The following MFAP3L variants were observed in gnomAD, a reference collection of about 807,000 sequenced individuals.
MFAP3L encodes microfibril associated protein 3 like.
A neutral mutation model predicts 20.0 loss-of-function variants in MFAP3L; 5 were observed. The ratio of observed to expected loss-of-function variants is 0.25; its 90% CI spans 0.13 to 0.53. The LOEUF (loss-of-function observed/expected upper bound fraction) is 0.53, where lower values mean the gene tolerates loss of function less well. Among genes scored for constraint, MFAP3L ranks in the 20% least tolerant of loss-of-function variants. The pLI is 0.96. For missense variants in MFAP3L, 409 were observed against 527.5 expected (o/e 0.78, Z 2.20); for synonymous variants, 219 against 213.0 (o/e 1.03, Z -0.25).
At chr4:170,012,903 A>G (rs1739472399) in intron 1 of MFAP3L, among the ~76,000 whole-genome samples, 1 of 152,158 alleles carries the variant, frequency 6.6e-6, no homozygotes, top group Admixed American at 6.5e-5. Context: ...GGGGTACCAC[A>G]TTATTACTCC....
rs1737417787 is a variant in MFAP3L at position 169,988,336 on chromosome 4, A to C, written c.*3042T>G. On this transcript the variant is annotated 3_prime_UTR_variant, in exon 3 of 3. Transcript: ENST00000361618. ...TAGAATAAATACCATCCAAGTTTACAGATCATCTAAGTGAATTAAATGTAC... is the reference window on the plus strand; with the variant it reads ...TAGAATAAATACCATCCAAGTTTACCGATCATCTAAGTGAATTAAATGTAC... 6.6e-6 allele frequency: 1 copy of C among 152,244 alleles called. No individual in the cohort carries two copies. Among genetic ancestry groups the C allele is most frequent in the Admixed American group, 6.5e-5 (1 of 15,286 alleles). The allele number at this position is 152,244 out of a possible 1,614,324, so 9.4% of individuals were successfully genotyped here.
chr4:170,012,053 G>A (rs1050417576), intron 1 of MFAP3L, among the ~76,000 whole-genome samples: 1 of 152,192 alleles, frequency 6.6e-6, no homozygotes, highest in Non-Finnish European at 1.5e-5. Flanking sequence ...AGTATGCAAC[G>A]CCAAGGATGG....
rs1237977798 is a variant in MFAP3L, at chr4:169,992,369, T to C, written c.299-60A>G. The C allele has an allele frequency of 7.2e-7, 1 of 1,384,380 alleles. No individual in the cohort carries two copies. Among genetic ancestry groups the C allele is most frequent in the Admixed American group, 2.1e-5 (1 of 48,548 alleles). 85.8% of individuals were successfully genotyped at this position (1,384,380 alleles called of 1,614,324 possible). ...ACACAGAGCTCCCATGACTACAAAC[T>C]GATACGTTTCTAAGAACATCTATGA... On this transcript the variant is annotated intron_variant, in intron 2 of 2. Coordinates refer to ENST00000361618, the MANE Select transcript of MFAP3L (RefSeq NM_021647.8). This position sits in a 1 kb window ranked among gnomAD's most constrained non-coding sequence, Gnocchi z 4.3.
chr4:170,003,973 T>C (rs910502256), intron 2 of MFAP3L, among the ~76,000 whole-genome samples: 1 of 152,164 alleles, frequency 6.6e-6, no homozygotes, highest in Non-Finnish European at 1.5e-5. Context: ...CTTTTTAAAA[T>C]TGAGACAGAG....
intron 2 of MFAP3L, among the ~76,000 whole-genome samples, chr4:170,004,405 G>T (rs934691057): frequency 7.2e-5 from 11 of 152,164 alleles, no homozygotes; most frequent in East Asian, 5.8e-4. Context: ...TTCATAATAT[G>T]TAATATTTTG....
chr4:170,002,754 C>CA (rs1319351751), intron 2 of MFAP3L, among the ~76,000 whole-genome samples: 1 of 151,894 alleles, frequency 6.6e-6, no homozygotes, highest in Admixed American at 6.6e-5. Flanking sequence ...ATGATCCACC[C>CA]ACCTCGGCCT....
At chr4:170,001,540 T>C (rs1166580817) in intron 2 of MFAP3L, among the ~76,000 whole-genome samples, 4 of 152,250 alleles carry the variant, frequency 2.6e-5, no homozygotes, top group African/African-American at 4.8e-5. Flanking sequence ...CTTGAAATCC[T>C]CGTTACTTAT....
intron 1 of MFAP3L, among the ~76,000 whole-genome samples, chr4:170,007,816 G>A (rs1005891527): frequency 4.6e-5 from 7 of 152,106 alleles, no homozygotes; most frequent in Admixed American, 1.3e-4. Context: ...CCTGGTGCCC[G>A]AGCCATAGCA....
Position 169,992,281 on chromosome 4 carries a change from G to A in MFAP3L, c.327C>T (p.Leu109=), listed in dbSNP as rs1737775492. Residue 109 remains leucine, a synonymous_variant, in exon 3 of 3, where the codon CTC becomes CTT. Coordinates refer to ENST00000361618, the MANE Select transcript of MFAP3L (RefSeq NM_021647.8). This position sits in a 1 kb window ranked among gnomAD's most constrained non-coding sequence, Gnocchi z 4.3. The part of the protein sequence containing the change: ...GGKWQMHDSG[L]LNITKVSFSD... ...AGAAGGATACCTTGGTGATGTTCAG[G>A]AGGCCGCTGTCGTGCATTTGCCATT... 6.2e-7 allele frequency: 1 copy of A among 1,611,980 alleles called. No homozygotes were observed. The highest frequency in any genetic ancestry group is 8.5e-7 in the Non-Finnish European group (1 of 1,178,710).
chr4:169,987,579 G>T lies in MFAP3L; in HGVS notation c.*3799C>A, dbSNP rs1358759293. ...CTGTATTTCCTAGGGCAGAATAAAA[G>T]GTATCTGGTTTGCCTTTCTAAACCA... On this transcript the variant is annotated 3_prime_UTR_variant, in exon 3 of 3. Coordinates refer to ENST00000361618, the MANE Select transcript of MFAP3L (RefSeq NM_021647.8). 2.0e-5 allele frequency: 3 copies of T among 152,140 alleles called. No homozygotes were observed. Among genetic ancestry groups the T allele is most frequent in the African/African-American group, 7.2e-5 (3 of 41,436 alleles). 9.4% of individuals were successfully genotyped at this position (152,140 alleles called of 1,614,324 possible).
At chr4:170,010,789 C>T (rs1220399698) in intron 1 of MFAP3L, among the ~76,000 whole-genome samples, 1 of 144,582 alleles carries the variant, frequency 6.9e-6, no homozygotes, top group Non-Finnish European at 1.5e-5. Context: ...AAATTATACA[C>T]AGATTTCCCA....
In MFAP3L at chr4:169,989,858, A is replaced by G. The variant is rs1363592583; in HGVS notation, c.*1520T>C. On this transcript the variant is annotated 3_prime_UTR_variant, in exon 3 of 3. Coordinates refer to ENST00000361618, the MANE Select transcript of MFAP3L (RefSeq NM_021647.8). ...AAATCTTAATTGCAGATGTGGTCCT[A>G]ATGGTTTTTTTGGAAGGAGAAGATC... 1.3e-5 allele frequency: 2 copies of G among 152,234 alleles called. No individual in the cohort carries two copies. Among genetic ancestry groups the G allele is most frequent in the Admixed American group, 1.3e-4 (2 of 15,282 alleles). 9.4% of individuals were successfully genotyped at this position (152,234 alleles called of 1,614,324 possible). A position where few individuals can be genotyped will look rare whatever the true frequency, so the allele number is the denominator to read the frequency against.
At chr4:169,999,180 C>G (rs1218862470) in intron 2 of MFAP3L, among the ~76,000 whole-genome samples, 1 of 152,194 alleles carries the variant, frequency 6.6e-6, no homozygotes, top group Non-Finnish European at 1.5e-5. Context: ...GCCTCCCCAA[C>G]CCCACTCACA....
chr4:170,021,253 C>T (rs1740016597), intron 1 of MFAP3L, among the ~76,000 whole-genome samples: 1 of 152,180 alleles, frequency 6.6e-6, no homozygotes, highest in Non-Finnish European at 1.5e-5. Context: ...GTTTAAAATG[C>T]CATCTTTCCT....
At position 169,991,133 on chromosome 4, in the gene MFAP3L, CAT is replaced by C; in HGVS notation, c.*243_*244del. 1.9e-6 allele frequency: 1 copy of C among 535,444 alleles called. No individual in the cohort carries two copies. Among genetic ancestry groups the C allele is most frequent in the South Asian group, 2.8e-5 (1 of 36,142 alleles). The allele number at this position is 535,444 out of a possible 1,614,324, so 33.2% of individuals were successfully genotyped here. A position where few individuals can be genotyped will look rare whatever the true frequency, so the allele number is the denominator to read the frequency against. Reference sequence around the variant, plus strand: ...TTGGCAGAGATCAGCCTCTGAAACTCATTATCACATAGACACCTTCTGTCTGG... The same window carrying C: ...TTGGCAGAGATCAGCCTCTGAAACTCTATCACATAGACACCTTCTGTCTGG... On this transcript the variant is annotated 3_prime_UTR_variant, in exon 3 of 3. Transcript: ENST00000361618. The surrounding 1 kb of genome is among the most constrained non-coding windows in gnomAD (Gnocchi z 4.9).
intron 1 of MFAP3L, among the ~76,000 whole-genome samples, chr4:170,007,221 C>T (rs1739095813): frequency 6.6e-6 from 1 of 152,110 alleles, no homozygotes; most frequent in Non-Finnish European, 1.5e-5. Context: ...GAGTGCTTTC[C>T]TGCCCTAGGA....
intron 1 of MFAP3L, among the ~76,000 whole-genome samples, chr4:170,011,593 T>C (rs1739382639): frequency 6.6e-6 from 1 of 152,200 alleles, no homozygotes; most frequent in Non-Finnish European, 1.5e-5. Context: ...CAAATTGATA[T>C]GCATTACCTG....
chr4:170,012,952 AT>A (rs1739475998), intron 1 of MFAP3L, among the ~76,000 whole-genome samples: 1 of 152,092 alleles, frequency 6.6e-6, no homozygotes, highest in East Asian at 1.9e-4. Context: ...ATTTTATTTT[AT>A]GCTGTTATTT....
chr4:169,997,799 A>ATTATT, intron 2 of MFAP3L: 21 of 890,320 alleles, frequency 2.4e-5, no homozygotes, highest in Non-Finnish European at 2.7e-5. Flanking sequence ...CCTTTCATTA[A>ATTATT]TTCTTTTTTT....
Sources: gnomAD v4.1 joint callset for allele counts (sites outside exome capture counted in the v4.1 genomes callset) on GRCh38, gnomAD v4.1.1 for gene constraint, Gnocchi (gnomAD v3.1) non-coding constraint, MANE v1.5 for transcripts, NCBI Gene and HGNC (gene_info 2026-07-23, HGNC 2026-07-21) for gene names.